Variants in NAV1 observed in about 807,000 individuals in gnomAD.
NAV1 encodes the protein pore membrane and/or filament interacting like protein 3.
Under a neutral mutation model 175.2 loss-of-function variants are expected in NAV1, and 18 were observed. The observed-to-expected ratio is 0.10, with a 90% CI of 0.07 to 0.15. NAV1 has a LOEUF of 0.15. NAV1 is among the 10% of genes least tolerant of loss of function. The pLI, the probability that NAV1 is intolerant of heterozygous loss-of-function variation, is 1.00. For synonymous variants in NAV1, 897 were observed against 978.7 expected, an observed-to-expected ratio of 0.92 and a Z score of 1.56; for missense variants, 1,731 against 2,436.6, an observed-to-expected ratio of 0.71 and a Z score of 6.10.
At chr1:201,802,195 C>T (rs2102784764) in intron 15 of NAV1, among the ~76,000 whole-genome samples, 1 of 142,936 alleles carries the variant, frequency 7.0e-6, no homozygotes, top group Middle Eastern at 3.6e-3. Flanking sequence ...ATCTCAGCTA[C>T]TCGAGAAGCT....
In NAV1 at chr1:201,782,888, C is replaced by T. The variant is rs753356945; in HGVS notation, c.2357+19C>T. The T allele has an allele frequency of 1.9e-5, 29 of 1,542,210 alleles. No homozygotes were observed. The highest frequency in any genetic ancestry group is 1.8e-4 in the Middle Eastern group (1 of 5,500). ...CTCTCAGGTACCCAATGTGGGCAGC[C>T]GCCTCCTTGTCTGTTTGCTTTGTCA... On this transcript the variant is annotated intron_variant, in intron 6 of 29. Coordinates refer to ENST00000367296, the Ensembl canonical transcript of NAV1. This position sits in a 1 kb window ranked among gnomAD's most constrained non-coding sequence, Gnocchi z 5.4.
At position 201,742,010 on chromosome 1, in the gene NAV1, A is replaced by T. The variant is rs557705709; in HGVS notation, c.1226+23255A>T. Among the ~76,000 whole-genome samples the T allele has an allele frequency of 1.5e-3, 225 of 152,332 alleles. 2 individuals carry two copies. Among genetic ancestry groups the T allele is most frequent in the African/African-American group, 5.2e-3 (215 of 41,574 alleles). On this transcript the variant is annotated intron_variant, in intron 3 of 29. Coordinates refer to ENST00000367296, the Ensembl canonical transcript of NAV1. ...CAGCCTACTAGGGTGGAGCTGGGTT[A>T]GGCCTGTGGTTTCCTTTCCATCCAA...
At chr1:201,655,504 C>T (rs1483108807) in intron 1 of NAV1, among the ~76,000 whole-genome samples, 1 of 152,216 alleles carries the variant, frequency 6.6e-6, no homozygotes, top group African/African-American at 2.4e-5. Flanking sequence ...TGGGCAGGTT[C>T]CCTCCTATAG....
intron 1 of NAV1, among the ~76,000 whole-genome samples, chr1:201,563,421 A>G (rs917312302): frequency 6.6e-6 from 1 of 151,874 alleles, no homozygotes; most frequent in Non-Finnish European, 1.5e-5. Flanking sequence ...AGAGAAAAGC[A>G]TACGAGACCA....
intron 1 of NAV1, among the ~76,000 whole-genome samples, chr1:201,559,021 C>T (rs755724125): frequency 9.2e-5 from 14 of 152,052 alleles, no homozygotes; most frequent in East Asian, 1.9e-4. Flanking sequence ...TATGGGGTAT[C>T]GTTTTCTGAG....
In NAV1 at chr1:201,734,721, C is replaced by T. The variant is rs1673039827; in HGVS notation, c.1226+15966C>T. Among the ~76,000 whole-genome samples, 3 of 152,240 alleles carry T rather than the reference C, an allele frequency of 2.0e-5. No individual in the cohort carries two copies. The South Asian group carries it at 6.2e-4, about 32-fold the overall frequency. ...ACACACAAACACACACACACTCACA[C>T]ACACCCTGGCATCTGCCCAGTGACC... is the stretch of plus-strand genomic sequence containing the variant. On this transcript the variant is annotated intron_variant, in intron 3 of 29. Transcript: ENST00000367296.
intron 1 of NAV1, among the ~76,000 whole-genome samples, chr1:201,708,359 C>T (rs536088242): frequency 7.2e-5 from 11 of 152,170 alleles, no homozygotes; most frequent in African/African-American, 2.7e-4. Flanking sequence ...ATCATGAGCT[C>T]CTCCCCATAG....
intron 1 of NAV1, among the ~76,000 whole-genome samples, chr1:201,669,101 G>A (rs550038884): frequency 3.9e-5 from 6 of 152,274 alleles, no homozygotes; most frequent in Admixed American, 3.3e-4. Flanking sequence ...AATGGCATGG[G>A]GATCCTCAAC....
intron 1 of NAV1, among the ~76,000 whole-genome samples, chr1:201,691,578 C>G (rs566878764): frequency 6.6e-6 from 1 of 152,278 alleles, no homozygotes; most frequent in South Asian, 2.1e-4. Context: ...GGACTAGCAT[C>G]AGCAAAAGCT....
At chr1:201,674,072 A>T (rs1670152153) in intron 1 of NAV1, 1 of 152,226 alleles carries the variant, frequency 6.6e-6, no homozygotes, top group South Asian at 2.1e-4. Context: ...TGGCCAGCCC[A>T]GGTGTCCAGG....
chr1:201,629,524 A>C lies in NAV1; in HGVS notation c.4+17A>C, dbSNP rs1558026107. ...CCTGCATGGGTAAGTGATCTGGGGG[A>C]GACTTCCTCCTAGGGTCGGGAGGCC... On this transcript the variant is annotated intron_variant, in intron 2 of 29. Coordinates refer to the NAV1 transcript ENST00000367302. The C allele has an allele frequency of 9.2e-6, 12 of 1,299,132 alleles. No individual in the cohort carries two copies. Among genetic ancestry groups the C allele is most frequent in the Non-Finnish European group, 1.1e-5 (11 of 985,954 alleles). 80.5% of individuals were successfully genotyped at this position (1,299,132 alleles called of 1,614,324 possible).
chr1:201,794,337 A>T, intron 14 of NAV1, 129 bp from the exon 19 acceptor site: 1 of 793,206 alleles, frequency 1.3e-6, no homozygotes, highest in East Asian at 2.6e-5. Flanking sequence ...TTTTTAATGG[A>T]GACCAGGTGG....
chr1:201,606,062 A>G (rs923826940), intron 2 of NAV1, among the ~76,000 whole-genome samples: 11 of 152,312 alleles, frequency 7.2e-5, no homozygotes, highest in African/African-American at 2.6e-4. Context: ...TCTTTCATTC[A>G]CAGCCTCTGA....
exon 16 of NAV1, chr1:201,803,675 C>A (rs1358134065): frequency 6.2e-7 from 1 of 1,612,892 alleles, no homozygotes; most frequent in Non-Finnish European, 8.5e-7. Flanking sequence ...TCGGCAGCAG[C>A]AAGGATGCTG....
At position 201,577,472 on chromosome 1, in the gene NAV1, ATTTTTTT is replaced by A. The variant is rs36112197; in HGVS notation, c.-143-11049_-143-11043del. ...CTTTGGCATAAGGCCTGAGACTTAGATTTTTTTTTTTTTTTTTTTTTTTTGGCTATGG... is the reference window on the plus strand; with the variant it reads ...CTTTGGCATAAGGCCTGAGACTTAGATTTTTTTTTTTTTTTTTGGCTATGG... On this transcript the variant is annotated intron_variant, in intron 1 of 33. Transcript: ENST00000685211. Among the ~76,000 whole-genome samples the A allele has an allele frequency of 6.4e-3, 630 of 97,924 alleles. 6 individuals are homozygous for A. Among genetic ancestry groups the A allele is most frequent in the African/African-American group, 0.022 (585 of 26,848 alleles). 64.2% of individuals were successfully genotyped at this position (97,924 alleles called of 152,430 possible).
At position 201,728,454 on chromosome 1, in the gene NAV1, T is replaced by C. The variant is rs191503492; in HGVS notation, c.1226+9699T>C. Among the ~76,000 whole-genome samples, 634 of 151,838 alleles carry C rather than the reference T, an allele frequency of 4.2e-3. 5 individuals are homozygous for C. Among genetic ancestry groups the C allele is most frequent in the African/African-American group, 0.014 (572 of 41,410 alleles). On this transcript the variant is annotated intron_variant, in intron 3 of 29. Coordinates refer to ENST00000367296, the Ensembl canonical transcript of NAV1. Reference sequence around the variant, plus strand: ...TAAAAATACAAAAAAATTAGCCTGGTGTCGTGGCAGGCTCCTGTAATCCTG... The same window carrying C: ...TAAAAATACAAAAAAATTAGCCTGGCGTCGTGGCAGGCTCCTGTAATCCTG...
chr1:201,786,280 C>T lies in NAV1; in HGVS notation c.2847-149C>T, dbSNP rs573469506. The T allele has an allele frequency of 2.0e-5, 15 of 751,452 alleles. No individual in the cohort carries two copies. In the African/African-American group the frequency reaches 2.5e-4, roughly 12 times the overall value. 46.5% of individuals were successfully genotyped at this position (751,452 alleles called of 1,614,324 possible). On this transcript the variant is annotated intron_variant, in intron 8 of 29. Transcript: ENST00000367296. ...AGGCTGAGTCGCCACCTCTTACTCC[C>T]TCCTTGGGCAGCCCTGACCACTCCC...
chr1:201,602,648 T>G, intron 2 of NAV1, among the ~76,000 whole-genome samples: 1 of 144,428 alleles, frequency 6.9e-6, no homozygotes, highest in Non-Finnish European at 1.5e-5. Context: ...TTTTTTTTTT[T>G]TGGTTTTTTT....
chr1:201,670,968 G>C (rs1422368287), intron 1 of NAV1, among the ~76,000 whole-genome samples: 1 of 152,194 alleles, frequency 6.6e-6, no homozygotes, highest in Non-Finnish European at 1.5e-5. Flanking sequence ...TAGCACCAAT[G>C]GTGATGACTA....
Sources: allele counts gnomAD v4.1 joint callset (sites outside exome capture counted in the v4.1 genomes callset), GRCh38; gene constraint gnomAD v4.1.1; non-coding constraint Gnocchi (gnomAD v3.1); transcripts MANE v1.5; gene names NCBI Gene and HGNC (gene_info 2026-07-23, HGNC 2026-07-21).